Variants in C8orf34 observed in about 807,000 individuals in gnomAD.
The protein encoded by C8orf34 is uncharacterized protein C8orf34.
In C8orf34, 65 loss-of-function variants were observed where a neutral mutation model predicts 68.3. The ratio of observed to expected loss-of-function variants is 0.95; its 90% confidence interval spans 0.78 to 1.17. C8orf34 has a LOEUF of 1.17. Ranked by LOEUF, C8orf34 falls within the 50% of genes most tolerant of loss-of-function variation. The pLI is 0.00. For synonymous variants in C8orf34, 244 were observed against 241.2 expected (o/e 1.01, Z -0.11); for missense variants, 664 against 655.4 (o/e 1.01, Z -0.14).
intron 12 of C8orf34, among the ~76,000 whole-genome samples, chr8:68,801,745 C>T (rs1824332729): frequency 6.6e-6 from 1 of 152,068 alleles, no homozygotes; most frequent in African/African-American, 2.4e-5. Flanking sequence ...TTCTCAGAAT[C>T]TATCTAATGG....
chr8:68,336,857 C>A (rs911725040), intron 1 of C8orf34, among the ~76,000 whole-genome samples: 1 of 152,042 alleles, frequency 6.6e-6, no homozygotes, highest in African/African-American at 2.4e-5. Flanking sequence ...TATCAAAGGA[C>A]ACAGAGGATG....
At chr8:68,402,816 G>A (rs1394852917) in intron 1 of C8orf34, among the ~76,000 whole-genome samples, 1 of 152,084 alleles carries the variant, frequency 6.6e-6, no homozygotes, top group Non-Finnish European at 1.5e-5. Context: ...CTTATTTTGA[G>A]GTCTATCTTG....
rs749748628 is a variant in C8orf34, at chr8:68,534,641, G to T, written c.1105+1492G>T. 3.0e-6 allele frequency: 3 copies of T among 985,542 alleles called. No individual in the cohort carries two copies. In the South Asian group the frequency reaches 1.4e-4, roughly 46 times the overall value. 61.0% of individuals were successfully genotyped at this position (985,542 alleles called of 1,614,324 possible). A position where few individuals can be genotyped will look rare whatever the true frequency, so the allele number is the denominator to read the frequency against. ...AATAGATGTAAGCTCAGCAGGTGGGGTGTGGTCATTGTAGGTTTGCTCACG... is the reference window on the plus strand; with the variant it reads ...AATAGATGTAAGCTCAGCAGGTGGGTTGTGGTCATTGTAGGTTTGCTCACG... On this transcript the variant is annotated intron_variant, in intron 7 of 13. Coordinates refer to ENST00000518698, the MANE Select transcript of C8orf34 (RefSeq NM_052958.4).
At chr8:68,643,818 TA>T (rs568663578) in intron 8 of C8orf34, among the ~76,000 whole-genome samples, 2 of 151,446 alleles carry the variant, frequency 1.3e-5, no homozygotes, top group Admixed American at 6.6e-5. Flanking sequence ...CAATTTCACA[TA>T]AAAAAAAATC....
chr8:68,460,563 C>A (rs1029664059), intron 3 of C8orf34, among the ~76,000 whole-genome samples: 1 of 152,160 alleles, frequency 6.6e-6, no homozygotes, highest in African/African-American at 2.4e-5. Flanking sequence ...AGACTGACAC[C>A]TCACATGGCC....
At position 68,787,442 on chromosome 8, in the gene C8orf34, G is replaced by A; in HGVS notation, c.1456-1G>A. ...TCTAAAATAAATGTGTTCTTTTGCA[G>A]GATGAATCCTTAAAGCAATTGCAGG... On this transcript the variant is annotated splice_acceptor_variant, in intron 11 of 13. Transcript: ENST00000518698. LOFTEE classifies it high-confidence loss of function. 1 of 1,606,414 alleles carries A rather than the reference G, an allele frequency of 6.2e-7. No homozygotes were observed. Among genetic ancestry groups the A allele is most frequent in the Non-Finnish European group, 8.5e-7 (1 of 1,175,160 alleles).
intron 3 of C8orf34, among the ~76,000 whole-genome samples, chr8:68,450,539 A>G (rs1005627492): frequency 2.0e-5 from 3 of 152,164 alleles, no homozygotes; most frequent in Non-Finnish European, 4.4e-5. Flanking sequence ...TAACTTCTTG[A>G]TTCATGGACT....
chr8:68,781,076 G>T (rs1414701570), intron 11 of C8orf34, among the ~76,000 whole-genome samples: 3 of 152,136 alleles, frequency 2.0e-5, no homozygotes, highest in Non-Finnish European at 4.4e-5. Flanking sequence ...GATGTTTTGT[G>T]CGTTAGTGAC....
chr8:68,728,336 C>T (rs1251588919), intron 10 of C8orf34, among the ~76,000 whole-genome samples: 1 of 152,214 alleles, frequency 6.6e-6, no homozygotes, highest in Admixed American at 6.5e-5. Context: ...TTGGGCAAAG[C>T]CATTCAACAA....
chr8:68,618,961 G>A (rs1330117705), intron 7 of C8orf34, among the ~76,000 whole-genome samples: 1 of 152,120 alleles, frequency 6.6e-6, no homozygotes, highest in Admixed American at 6.6e-5. Flanking sequence ...GAAGACCAAT[G>A]GAAAGAGATA....
chr8:68,534,281 A>G (rs1404858661), intron 7 of C8orf34: 12 of 985,230 alleles, frequency 1.2e-5, no homozygotes, highest in Non-Finnish European at 1.4e-5. Flanking sequence ...GTCCCTTCCA[A>G]TTGGGTCTTT....
chr8:68,497,318 A>T (rs1374431189), intron 5 of C8orf34, among the ~76,000 whole-genome samples: 1 of 152,232 alleles, frequency 6.6e-6, no homozygotes, highest in Non-Finnish European at 1.5e-5. Flanking sequence ...ATTAAACATT[A>T]CTGCTTACCT....
intron 1 of C8orf34, among the ~76,000 whole-genome samples, chr8:68,377,355 G>A (rs979134204): frequency 6.6e-6 from 1 of 151,976 alleles, no homozygotes; most frequent in Non-Finnish European, 1.5e-5. Flanking sequence ...CCATATTCAT[G>A]CCACTGCACT....
At chr8:68,750,359 T>C (rs1822668222) in intron 10 of C8orf34, among the ~76,000 whole-genome samples, 2 of 152,168 alleles carry the variant, frequency 1.3e-5, no homozygotes, top group Non-Finnish European at 2.9e-5. Flanking sequence ...CATAAAAGCT[T>C]ACATATTCTA....
At chr8:68,366,650 G>T (rs1807272193) in intron 1 of C8orf34, among the ~76,000 whole-genome samples, 1 of 150,422 alleles carries the variant, frequency 6.6e-6, no homozygotes. Flanking sequence ...AATGGGGAAA[G>T]GATTCCCTAT....
chr8:68,699,184 C>T (rs956673671), intron 8 of C8orf34, among the ~76,000 whole-genome samples: 5 of 151,796 alleles, frequency 3.3e-5, no homozygotes, highest in African/African-American at 7.3e-5. Context: ...TGAGAACCAC[C>T]GAGAGTCCAC....
intron 7 of C8orf34, among the ~76,000 whole-genome samples, chr8:68,636,712 T>A (rs1447024888): frequency 2.6e-5 from 4 of 152,196 alleles, no homozygotes; most frequent in Non-Finnish European, 5.9e-5. Flanking sequence ...TTGATGATTG[T>A]TCTGTTGTAT....
intron 8 of C8orf34, among the ~76,000 whole-genome samples, chr8:68,708,537 G>A (rs9987201): frequency 0.019 from 2,887 of 152,218 alleles, 85 homozygotes; most frequent in African/African-American, 0.064. Context: ...GACATATCTC[G>A]ACCCACAGGC....
chr8:68,607,361 G>T (rs779681609), intron 7 of C8orf34, among the ~76,000 whole-genome samples: 1 of 152,042 alleles, frequency 6.6e-6, no homozygotes, highest in Non-Finnish European at 1.5e-5. Flanking sequence ...GTGTCGGCAG[G>T]GTTGGTTTCT....
Sources: gnomAD v4.1 joint callset for allele counts (sites outside exome capture counted in the v4.1 genomes callset) on GRCh38, gnomAD v4.1.1 for gene constraint, MANE v1.5 for transcripts, NCBI Gene and HGNC (gene_info 2026-07-23, HGNC 2026-07-21) for gene names.